Variants in LARGE1 observed in about 807,000 individuals in gnomAD.
LARGE1 encodes the protein LARGE xylosyl- and glucuronyltransferase 1, also known as xylosyl- and glucuronyltransferase LARGE1.
In LARGE1, 43 loss-of-function variants were observed where a neutral mutation model predicts 87.6. That is an observed-to-expected ratio of 0.49 (90% CI 0.38 to 0.63). The LOEUF (loss-of-function observed/expected upper bound fraction) is 0.63. Ranked by LOEUF, LARGE1 falls within the 30% of genes least tolerant of loss-of-function variation. The pLI, the probability that LARGE1 is intolerant of heterozygous loss-of-function variation, is 0.00. For synonymous variants in LARGE1, 434 were observed against 394.6 expected, an observed-to-expected ratio of 1.10 and a Z score of -1.18; for missense variants, 802 against 1,000.2, an observed-to-expected ratio of 0.80 and a Z score of 2.67.
chr22:33,889,271 G>A (rs1370962458), intron 1 of LARGE1: 1 of 152,208 alleles, frequency 6.6e-6, no homozygotes, highest in Admixed American at 6.5e-5. Context: ...AGGTTTGCAA[G>A]TGTATGTCTG....
At chr22:33,297,884 G>A (rs972934858) in intron 12 of LARGE1, among the ~76,000 whole-genome samples, 3 of 150,416 alleles carry the variant, frequency 2.0e-5, no homozygotes, top group Non-Finnish European at 4.4e-5. Flanking sequence ...GGAGGCTGAG[G>A]CAGGAGAATC....
intron 2 of LARGE1, among the ~76,000 whole-genome samples, chr22:33,760,953 GACAA>G (rs1330400741): frequency 6.6e-6 from 1 of 151,766 alleles, no homozygotes; most frequent in African/African-American, 2.4e-5. Flanking sequence ...AAAAAAACCA[GACAA>G]ACAAACAAAA....
intron 4 of LARGE1, among the ~76,000 whole-genome samples, chr22:33,622,030 G>A (rs2079769971): frequency 6.6e-6 from 1 of 152,128 alleles, no homozygotes; most frequent in Admixed American, 6.5e-5. Flanking sequence ...AGGGAATTGA[G>A]GCCCTGAGTT....
intron 12 of LARGE1, among the ~76,000 whole-genome samples, chr22:33,293,229 G>A (rs958657895): frequency 6.6e-6 from 1 of 152,166 alleles, no homozygotes; most frequent in Non-Finnish European, 1.5e-5. Context: ...GCACCTGCCT[G>A]GTATACTGTA....
intron 6 of LARGE1, among the ~76,000 whole-genome samples, chr22:33,460,890 G>A (rs1569183857): frequency 2.0e-5 from 3 of 152,134 alleles, no homozygotes; most frequent in Non-Finnish European, 2.9e-5. Context: ...CTTAATTCTA[G>A]GCCCATTCTC....
chr22:33,670,859 T>C (rs1223039013), intron 2 of LARGE1, among the ~76,000 whole-genome samples: 1 of 152,186 alleles, frequency 6.6e-6, no homozygotes, highest in Non-Finnish European at 1.5e-5. Context: ...TTTATATGTA[T>C]CCTTTTTTTC....
intron 6 of LARGE1, among the ~76,000 whole-genome samples, chr22:33,434,518 C>G (rs1259563109): frequency 6.6e-6 from 1 of 152,182 alleles, no homozygotes; most frequent in Non-Finnish European, 1.5e-5. Context: ...CCAGGATGGT[C>G]TCGATCTCCT....
At position 33,564,831 on chromosome 22, in the gene LARGE1, G is replaced by A. The variant is rs770281395; in HGVS notation, c.787+17C>T. On this transcript the variant is annotated intron_variant, in intron 6 of 14. Transcript: ENST00000397394. The stretch of plus-strand genomic sequence containing the variant: ...CCTACAAGGATATCGGGGAAAAAAC[G>A]AATGGGCTACCATTACCTTTGAACT... 6 of 1,613,880 alleles carry A rather than the reference G, an allele frequency of 3.7e-6. No homozygotes were observed. Among genetic ancestry groups the A allele is most frequent in the East Asian group, 2.2e-5 (1 of 44,872 alleles).
chr22:33,597,776 T>C (rs776441295), intron 5 of LARGE1, among the ~76,000 whole-genome samples: 1 of 152,262 alleles, frequency 6.6e-6, no homozygotes, highest in South Asian at 2.1e-4. Context: ...ACCCCAGTGA[T>C]GGCATGGGGG....
At chr22:33,321,314 G>A (rs1936689253) in intron 10 of LARGE1, among the ~76,000 whole-genome samples, 1 of 152,208 alleles carries the variant, frequency 6.6e-6, no homozygotes, top group Non-Finnish European at 1.5e-5. Context: ...AGATCCTGGT[G>A]GGCAGGGATG....
At chr22:33,635,756 A>G (rs781315383) in intron 3 of LARGE1, among the ~76,000 whole-genome samples, 14 of 152,200 alleles carry the variant, frequency 9.2e-5, no homozygotes, top group Non-Finnish European at 1.9e-4. Context: ...ACCTATTAAC[A>G]TTTTTAAAAC....
At chr22:33,884,901 C>A (rs1054217949) in intron 1 of LARGE1, among the ~76,000 whole-genome samples, 1 of 152,182 alleles carries the variant, frequency 6.6e-6, no homozygotes, top group Non-Finnish European at 1.5e-5. Flanking sequence ...TCACCCTGAG[C>A]CCATGATGGC....
chr22:33,497,280 T>C (rs2070184297), intron 6 of LARGE1, among the ~76,000 whole-genome samples: 2 of 152,132 alleles, frequency 1.3e-5, no homozygotes, highest in African/African-American at 4.8e-5. Context: ...TTCACTAAGT[T>C]GGCAAGGCTG....
intron 9 of LARGE1, among the ~76,000 whole-genome samples, chr22:33,348,567 TGTGTTTGTGAGG>T (rs1264795955): frequency 6.6e-6 from 1 of 152,072 alleles, no homozygotes; most frequent in Non-Finnish European, 1.5e-5. Flanking sequence ...TATTTCTAGG[TGTGTTTGTGAGG>T]GTGTTTGCAA....
chr22:33,604,317 C>A, intron 5 of LARGE1, 118 bp downstream of exon 5: 1 of 1,335,378 alleles, frequency 7.5e-7, no homozygotes, highest in Non-Finnish European at 1.1e-6. Context: ...CTTCCTTACG[C>A]CCTACACATT....
chr22:33,090,807 GA>G, the LARGE1 span, among the ~76,000 whole-genome samples: 18 of 152,148 alleles, frequency 1.2e-4, no homozygotes, highest in African/African-American at 4.1e-4. Flanking sequence ...GGCCTTTAAG[GA>G]AATTGAGTTC....
chr22:33,535,129 C>G (rs1238967234), intron 6 of LARGE1, among the ~76,000 whole-genome samples: 2 of 152,220 alleles, frequency 1.3e-5, no homozygotes, highest in Admixed American at 6.5e-5. Flanking sequence ...GGGCCTCCCC[C>G]GTCAGGGCGT....
At chr22:33,185,949 AG>A (rs1923451311) in intron 11 of LARGE1, among the ~76,000 whole-genome samples, 1 of 152,292 alleles carries the variant, frequency 6.6e-6, no homozygotes, top group Middle Eastern at 3.4e-3. Context: ...AAAAATTACT[AG>A]AATTTCTACC....
intron 2 of LARGE1, among the ~76,000 whole-genome samples, chr22:33,663,873 T>C (rs917484290): frequency 4.6e-5 from 7 of 152,208 alleles, no homozygotes; most frequent in Admixed American, 3.3e-4. Context: ...GTTGTATTAT[T>C]TCCTTTGCAT....
Sources: allele counts gnomAD v4.1 joint callset (sites outside exome capture counted in the v4.1 genomes callset), GRCh38; gene constraint gnomAD v4.1.1; transcripts MANE v1.5; gene names NCBI Gene and HGNC (gene_info 2026-07-23, HGNC 2026-07-21).